The following TENM3 variants were observed in gnomAD, a reference collection of about 807,000 sequenced individuals.
The protein encoded by TENM3 is teneurin transmembrane protein 3.
A neutral mutation model predicts 255.1 loss-of-function variants in TENM3; 63 were observed. That is an observed-to-expected ratio of 0.25 (90% CI 0.20 to 0.30). The LOEUF (loss-of-function observed/expected upper bound fraction) is 0.30, where lower values mean the gene tolerates loss of function less well. Among genes scored for constraint, TENM3 ranks in the 10% least tolerant of loss-of-function variants. TENM3 has a pLI of 1.00. For synonymous variants in TENM3, 1,306 were observed against 1,322.3 expected (o/e 0.99, Z 0.27); for missense variants, 2,929 against 3,461.1 (o/e 0.85, Z 3.86).
chr4:182,639,875 G>A (rs920633650), intron 5 of TENM3, among the ~76,000 whole-genome samples: 2 of 151,892 alleles, frequency 1.3e-5, no homozygotes, highest in Non-Finnish European at 2.9e-5. Flanking sequence ...GCAGATCACG[G>A]GTTCAGGAGA....
At chr4:182,530,906 G>A (rs1169784099) in intron 3 of TENM3, among the ~76,000 whole-genome samples, 1 of 152,222 alleles carries the variant, frequency 6.6e-6, no homozygotes, top group Non-Finnish European at 1.5e-5. Flanking sequence ...AGGGGACTGG[G>A]CAGGTGGAAA....
At chr4:182,641,719 G>A (rs184024139) in intron 5 of TENM3, among the ~76,000 whole-genome samples, 8 of 152,254 alleles carry the variant, frequency 5.3e-5, no homozygotes, top group South Asian at 2.1e-4. Flanking sequence ...CAGAGGCGGC[G>A]TTTTGCCATG....
chr4:181,740,755 G>T, the TENM3 span, among the ~76,000 whole-genome samples: 1 of 152,000 alleles, frequency 6.6e-6, no homozygotes, highest in African/African-American at 2.4e-5. Flanking sequence ...ATCTAGGGGG[G>T]ACCACCATGA....
At chr4:181,884,937 T>G in the TENM3 span, among the ~76,000 whole-genome samples, 1 of 152,294 alleles carries the variant, frequency 6.6e-6, no homozygotes, top group East Asian at 1.9e-4. Flanking sequence ...TTTATAAAAA[T>G]TTTTGGAAAT....
chr4:182,051,935 C>T, the TENM3 span, among the ~76,000 whole-genome samples: 5 of 152,132 alleles, frequency 3.3e-5, no homozygotes, highest in Admixed American at 1.3e-4. Flanking sequence ...CTGTATAGCT[C>T]GGTGTTTTCA....
chr4:182,143,255 C>G (rs944561368), upstream of TENM3: 3 of 167,150 alleles, frequency 1.8e-5, no homozygotes, highest in African/African-American at 7.2e-5. The surrounding 1 kb of genome is among the most constrained non-coding windows in gnomAD (Gnocchi z 4.3). Context: ...GGTGCTTGAA[C>G]CTGGGGGGCA....
chr4:182,405,285 C>T (rs1769484638), intron 3 of TENM3, among the ~76,000 whole-genome samples: 2 of 152,204 alleles, frequency 1.3e-5, no homozygotes, highest in South Asian at 4.1e-4. Flanking sequence ...TCCTTTTGTA[C>T]TCACAGTAGA....
the TENM3 span, among the ~76,000 whole-genome samples, chr4:181,448,436 G>A: frequency 2.6e-5 from 4 of 151,978 alleles, no homozygotes; most frequent in Non-Finnish European, 5.9e-5. Context: ...CTCCCAAAGT[G>A]CTGGGATTAC....
Position 182,648,288 on chromosome 4 carries a change from GT to G in TENM3, c.989-5470del, listed in dbSNP as rs11445381. 6.7e-3 allele frequency among the ~76,000 whole-genome samples: 976 copies of G among 146,436 alleles called. 12 individuals are homozygous for G. Among genetic ancestry groups the G allele is most frequent in the African/African-American group, 0.023 (923 of 39,704 alleles). ...GTGTTAGATGGATTACTTTTAAGTTGTTTTTTTTTTTTTGAAACAGAGTCTC... is the reference window on the plus strand; with the variant it reads ...GTGTTAGATGGATTACTTTTAAGTTGTTTTTTTTTTTTGAAACAGAGTCTC... On this transcript the variant is annotated intron_variant, in intron 5 of 27. Coordinates refer to ENST00000511685, the MANE Select transcript of TENM3 (RefSeq NM_001080477.4).
chr4:181,636,865 A>G, the TENM3 span, among the ~76,000 whole-genome samples: 2 of 152,062 alleles, frequency 1.3e-5, no homozygotes, highest in African/African-American at 4.8e-5. Flanking sequence ...TTAAAAACCA[A>G]AGTACTTACA....
At chr4:182,661,261 C>T (rs1404912623) in intron 6 of TENM3, among the ~76,000 whole-genome samples, 2 of 132,454 alleles carry the variant, frequency 1.5e-5, no homozygotes, top group Non-Finnish European at 3.0e-5. Context: ...AGTGCAGTGG[C>T]GCGATCTTGG....
chr4:181,524,548 A>G, the TENM3 span, among the ~76,000 whole-genome samples: 130 of 152,260 alleles, frequency 8.5e-4, no homozygotes, highest in African/African-American at 2.8e-3. Flanking sequence ...CAAAATCCAG[A>G]AGTTATTCTT....
At chr4:181,914,636 G>A in the TENM3 span, among the ~76,000 whole-genome samples, 1 of 152,174 alleles carries the variant, frequency 6.6e-6, no homozygotes, top group Admixed American at 6.5e-5. Flanking sequence ...TGGGAATGTA[G>A]AGAGCTGAGC....
chr4:182,222,079 A>C (rs1384186300), intron 1 of TENM3, among the ~76,000 whole-genome samples: 1 of 152,248 alleles, frequency 6.6e-6, no homozygotes, highest in Non-Finnish European at 1.5e-5. Flanking sequence ...GATTCCAGGC[A>C]GGAGGTTTAC....
chr4:182,578,033 A>T (rs556695995), intron 3 of TENM3, among the ~76,000 whole-genome samples: 3 of 151,520 alleles, frequency 2.0e-5, no homozygotes, highest in African/African-American at 7.3e-5. Context: ...CTGGAGTGCA[A>T]TGGCGCAATC....
In TENM3 at chr4:182,679,815, T is replaced by C. The variant is rs1031328803; in HGVS notation, c.1476T>C (p.His492=). The C allele has an allele frequency of 6.2e-7, 1 of 1,613,914 alleles. No homozygotes were observed. The highest frequency in any genetic ancestry group is 8.5e-7 in the Non-Finnish European group (1 of 1,179,856). ...FIQYLDSGIW[H]LAFYNDGKNA... ...AGTACTTGGATTCTGGAATCTGGCA[T>C]CTGGCTTTTTATAATGATGGGAAAA... Residue 492 remains histidine, a synonymous_variant, in exon 8 of 28, where the codon CAT becomes CAC. Transcript: ENST00000511685.
At chr4:182,105,091 T>C in the TENM3 span, among the ~76,000 whole-genome samples, 1 of 152,116 alleles carries the variant, frequency 6.6e-6, no homozygotes, top group Admixed American at 6.5e-5. Flanking sequence ...TGCACGCCAA[T>C]AGTCCCAGCT....
At chr4:181,481,124 A>T in the TENM3 span, among the ~76,000 whole-genome samples, 4 of 93,252 alleles carry the variant, frequency 4.3e-5, no homozygotes, top group East Asian at 1.2e-3. Flanking sequence ...AGAGTTTTAT[A>T]AGAAAAAAAC....
chr4:182,019,826 A>G, the TENM3 span, among the ~76,000 whole-genome samples: 1 of 152,132 alleles, frequency 6.6e-6, no homozygotes, highest in Admixed American at 6.5e-5. Flanking sequence ...CACCACATCC[A>G]GCTAATTTTT....
Sources: gnomAD v4.1 joint callset for allele counts (sites outside exome capture counted in the v4.1 genomes callset) on GRCh38, gnomAD v4.1.1 for gene constraint, Gnocchi (gnomAD v3.1) non-coding constraint, MANE v1.5 for transcripts, NCBI Gene and HGNC (gene_info 2026-07-23, HGNC 2026-07-21) for gene names.